Variants in SASS6 observed in about 807,000 individuals in gnomAD.
SASS6 encodes SAS-6 centriolar assembly protein.
In SASS6, 59 loss-of-function variants were observed where a neutral mutation model predicts 94.9. The ratio of observed to expected loss-of-function variants is 0.62; its 90% CI spans 0.50 to 0.77. SASS6 has a LOEUF of 0.77. Ranked by LOEUF, SASS6 falls within the 30% of genes least tolerant of loss-of-function variation. The pLI is 0.00. For missense variants in SASS6, 698 were observed against 734.1 expected, an observed-to-expected ratio of 0.95 and a Z score of 0.57; for synonymous variants, 264 against 270.0, an observed-to-expected ratio of 0.98 and a Z score of 0.22.
intron 14 of SASS6, among the ~76,000 whole-genome samples, chr1:100,098,470 A>C (rs1652252036): frequency 6.6e-6 from 1 of 152,160 alleles, no homozygotes; most frequent in Non-Finnish European, 1.5e-5. Context: ...ATAACCTACA[A>C]ATATATAAAA....
At chr1:100,129,886 C>G (rs1260721111) in intron 1 of SASS6, among the ~76,000 whole-genome samples, 2 of 152,332 alleles carry the variant, frequency 1.3e-5, no homozygotes, top group Middle Eastern at 3.4e-3. Flanking sequence ...CCACTGTCCT[C>G]AACTGAATTT....
At position 100,088,202 on chromosome 1, in the gene SASS6, G is replaced by C. The variant is rs779928526; in HGVS notation, c.1709C>G (p.Ala570Gly). The C allele has an allele frequency of 6.2e-7, 1 of 1,605,430 alleles. No homozygotes were observed. The highest frequency in any genetic ancestry group is 1.1e-5 in the South Asian group (1 of 90,828). Residue 570 changes from alanine (A) to glycine (G), a missense_variant, in exon 15 of 17, where the codon GCA becomes GGA. Transcript: ENST00000287482. The part of the protein sequence containing the change: ...QFNLQFTKPN[A>G]SLGDVQSGAT... ...TCCTGACTGAACATCTCCTAGTGATGCATTTGGTTTTGTAAACTGCAAATT... is the reference window on the plus strand; with the variant it reads ...TCCTGACTGAACATCTCCTAGTGATCCATTTGGTTTTGTAAACTGCAAATT...
chr1:100,116,474 T>G (rs1653809952), intron 7 of SASS6, among the ~76,000 whole-genome samples: 1 of 152,228 alleles, frequency 6.6e-6, no homozygotes, highest in Non-Finnish European at 1.5e-5. Flanking sequence ...ACTGGTAGTT[T>G]CTGCCAAAGC....
chr1:100,118,263 C>T lies in SASS6; in HGVS notation c.669+755G>A, dbSNP rs182415145. Among the ~76,000 whole-genome samples, 686 of 151,792 alleles carry T rather than the reference C, an allele frequency of 4.5e-3. 2 individuals carry two copies. The highest frequency in any genetic ancestry group is 8.0e-3 in the Non-Finnish European group (547 of 67,954). ...CCGGGAGGCAGAGGTTACAGTGAGC[C>T]GAGATTGTGCCACCGCACTCCAGCC... On this transcript the variant is annotated intron_variant, in intron 7 of 16. Coordinates refer to ENST00000287482, the MANE Select transcript of SASS6 (RefSeq NM_194292.3).
chr1:100,095,334 A>G (rs1652035130), intron 14 of SASS6, among the ~76,000 whole-genome samples: 1 of 152,154 alleles, frequency 6.6e-6, no homozygotes. Flanking sequence ...GCTCAAGACC[A>G]GCCTGGGCAA....
intron 7 of SASS6, among the ~76,000 whole-genome samples, chr1:100,113,680 G>A (rs1233670455): frequency 1.3e-5 from 2 of 149,800 alleles, no homozygotes; most frequent in Admixed American, 6.6e-5. Flanking sequence ...AGAAATTAAC[G>A]AAATAGGGGG....
chr1:100,126,282 C>T (rs1288966674), intron 1 of SASS6, among the ~76,000 whole-genome samples: 1 of 152,098 alleles, frequency 6.6e-6, no homozygotes, highest in Non-Finnish European at 1.5e-5. Flanking sequence ...GAAAGACAAA[C>T]CATCAATTTA....
chr1:100,090,751 A>C (rs758725076), intron 14 of SASS6, among the ~76,000 whole-genome samples: 1 of 152,114 alleles, frequency 6.6e-6, no homozygotes, highest in Non-Finnish European at 1.5e-5. Flanking sequence ...ACCTAGGCCT[A>C]TATTTTCTAG....
intron 7 of SASS6, among the ~76,000 whole-genome samples, chr1:100,117,707 T>C (rs574446511): frequency 7.2e-6 from 1 of 139,610 alleles, no homozygotes; most frequent in South Asian, 2.4e-4. Flanking sequence ...GAAAAGACAA[T>C]AAAAAATAAT....
chr1:100,105,927 A>G (rs1002833425), intron 12 of SASS6, 24 bp from the exon 13 acceptor site: 1 of 1,506,290 alleles, frequency 6.6e-7, no homozygotes, highest in Non-Finnish European at 9.1e-7. Context: ...ACAAGAAGCA[A>G]GGTAAAGAAT....
intron 2 of SASS6, among the ~76,000 whole-genome samples, chr1:100,125,281 T>TTA (rs1557895786): frequency 6.7e-6 from 1 of 148,892 alleles, no homozygotes; most frequent in Non-Finnish European, 1.5e-5. Context: ...AAATATATTT[T>TTA]TATATATATG....
In SASS6 at chr1:100,116,576, G is replaced by A. The variant is rs76347331; in HGVS notation, c.669+2442C>T. Among the ~76,000 whole-genome samples the A allele has an allele frequency of 2.8e-3, 431 of 152,116 alleles. 3 individuals are homozygous for A. The highest frequency in any genetic ancestry group is 0.01 in the African/African-American group (415 of 41,492). ...AGTGCATGTGTCCACAAAAAGATAA[G>A]TACAAGAATGTTAATAGCAGTTTAA... On this transcript the variant is annotated intron_variant, in intron 7 of 16. Transcript: ENST00000287482.
Position 100,123,299 on chromosome 1 carries a change from AGTTT to A in SASS6, c.127-14_127-11del. On this transcript the variant is annotated splice_polypyrimidine_tract_variant and intron_variant, in intron 2 of 16. Transcript: ENST00000287482. ...GACGAATAACTAAGTCCTAAAAGAA[AGTTT>A]GTTGTTTTTAAATGTTTTTACTAGA... 6.9e-7 allele frequency: 1 copy of A among 1,447,012 alleles called. No homozygotes were observed. Among genetic ancestry groups the A allele is most frequent in the Non-Finnish European group, 9.5e-7 (1 of 1,048,986 alleles). The allele number at this position is 1,447,012 out of a possible 1,614,324, so 89.6% of individuals were successfully genotyped here.
intron 5 of SASS6, 109 bp from the exon 6 acceptor site, chr1:100,120,568 T>C: frequency 3.4e-6 from 2 of 593,004 alleles, no homozygotes; most frequent in African/African-American, 1.9e-5. Flanking sequence ...GAAATGCAGA[T>C]TCTTAGGCTC....
At chr1:100,105,686 A>G in intron 13 of SASS6, 81 bp downstream of exon 13, 10 of 1,400,618 alleles carry the variant, frequency 7.1e-6, no homozygotes, top group Non-Finnish European at 1.0e-5. Context: ...ACCTTAAATC[A>G]TGGAAACTTC....
At chr1:100,111,243 C>T (rs953873112) in intron 7 of SASS6, among the ~76,000 whole-genome samples, 2 of 151,966 alleles carry the variant, frequency 1.3e-5, no homozygotes, top group African/African-American at 4.8e-5. Flanking sequence ...CTCTTCCACT[C>T]GTTTATATAC....
At chr1:100,125,804 A>G (rs2101692285) in intron 2 of SASS6, 78 bp downstream of exon 2, 2 of 787,994 alleles carry the variant, frequency 2.5e-6, no homozygotes, top group East Asian at 5.2e-5. Flanking sequence ...GCAATAAAAG[A>G]TGTCACATTC....
intron 7 of SASS6, among the ~76,000 whole-genome samples, chr1:100,116,613 A>G (rs1350295893): frequency 6.6e-6 from 1 of 152,234 alleles, no homozygotes; most frequent in African/African-American, 2.4e-5. Context: ...TAATAATAGC[A>G]AAATACCAGA....
intron 7 of SASS6, among the ~76,000 whole-genome samples, chr1:100,111,850 A>G (rs2101670522): frequency 6.6e-6 from 1 of 152,264 alleles, no homozygotes. Context: ...AATCAGAGCA[A>G]ACTGGTAAAG....
Sources: allele counts gnomAD v4.1 joint callset (sites outside exome capture counted in the v4.1 genomes callset), GRCh38; gene constraint gnomAD v4.1.1; transcripts MANE v1.5; gene names NCBI Gene and HGNC (gene_info 2026-07-23, HGNC 2026-07-21).